SEC63: variants seen among roughly 807,000 people sequenced by gnomAD.
SEC63 encodes the protein translocation protein SEC63 homolog.
Under a neutral mutation model 116.2 loss-of-function variants are expected in SEC63, and 56 were observed. The ratio of observed to expected loss-of-function variants is 0.48; its 90% CI spans 0.39 to 0.60. The LOEUF (loss-of-function observed/expected upper bound fraction) is 0.60. SEC63 is among the 20% of genes least tolerant of loss of function. SEC63 has a pLI of 0.00. For synonymous variants in SEC63, 273 were observed against 294.6 expected (o/e 0.93, Z 0.75); for missense variants, 668 against 900.0 (o/e 0.74, Z 3.30).
Position 107,921,884 on chromosome 6 carries a change from T to C in SEC63, c.365A>G (p.Lys122Arg). ...TTTAAGTGACAGCAAACGATATTGT[T>C]TTTTAATTTCTGCTACTGTGGCTCC... ...DPGATVAEIK[K>R]QYRLLSLKYH... Residue 122 changes from lysine to arginine, a missense_variant, in exon 4 of 21, where the codon AAA (lysine) becomes AGA (arginine). Around this residue, in one of 5 missense-constraint regions of SEC63, gnomAD observed 142 missense variants for 169.5 expected, o/e 0.84. Transcript: ENST00000369002. The C allele has an allele frequency of 6.2e-7, 1 of 1,610,288 alleles. No individual in the cohort carries two copies. Among genetic ancestry groups the C allele is most frequent in the South Asian group, 1.1e-5 (1 of 90,876 alleles).
intron 1 of SEC63, among the ~76,000 whole-genome samples, chr6:107,933,893 G>A (rs1238521913): frequency 3.3e-5 from 5 of 152,164 alleles, no homozygotes; most frequent in African/African-American, 9.7e-5. Flanking sequence ...ACTGGTTTTC[G>A]TACTTTTTTG....
At chr6:107,936,016 C>A (rs543213455) in intron 1 of SEC63, among the ~76,000 whole-genome samples, 1 of 152,204 alleles carries the variant, frequency 6.6e-6, no homozygotes, top group East Asian at 1.9e-4. Flanking sequence ...TTAAATTAAG[C>A]CTCTACAGTA....
chr6:107,892,709 A>G (rs1786712361), intron 16 of SEC63, among the ~76,000 whole-genome samples: 1 of 152,232 alleles, frequency 6.6e-6, no homozygotes, highest in Non-Finnish European at 1.5e-5. Context: ...GAAGTTATCC[A>G]AATGGCCAGC....
intron 4 of SEC63, among the ~76,000 whole-genome samples, chr6:107,920,473 A>G (rs568229684): frequency 1.3e-5 from 2 of 151,462 alleles, no homozygotes; most frequent in South Asian, 4.2e-4. Context: ...CTGCACGCTT[A>G]ATAGACTATG....
chr6:107,908,541 G>A (rs1317445488), intron 8 of SEC63, among the ~76,000 whole-genome samples: 1 of 152,070 alleles, frequency 6.6e-6, no homozygotes, highest in Non-Finnish European at 1.5e-5. Flanking sequence ...CGGTGCCTCA[G>A]TTTCCTCATC....
intron 1 of SEC63, chr6:107,956,134 A>T (rs1166167018): frequency 4.9e-6 from 1 of 204,498 alleles, no homozygotes; most frequent in East Asian, 1.7e-4. Context: ...GAACAACTTT[A>T]AAAATCCAAT....
intron 19 of SEC63, among the ~76,000 whole-genome samples, chr6:107,874,113 A>G (rs1467746274): frequency 6.6e-6 from 1 of 152,200 alleles, no homozygotes; most frequent in Non-Finnish European, 1.5e-5. Flanking sequence ...CTTAATTAAT[A>G]TCACCAACAT....
At chr6:107,934,135 G>T (rs1263096394) in intron 1 of SEC63, among the ~76,000 whole-genome samples, 5 of 152,080 alleles carry the variant, frequency 3.3e-5, no homozygotes, top group African/African-American at 1.2e-4. Flanking sequence ...CCTCTGCCCC[G>T]CCGCCACCCC....
At chr6:107,919,089 T>C (rs1177432879) in intron 4 of SEC63, among the ~76,000 whole-genome samples, 2 of 151,976 alleles carry the variant, frequency 1.3e-5, no homozygotes, top group Non-Finnish European at 2.9e-5. Context: ...TTTGAATTTT[T>C]AGTAGAGATA....
chr6:107,893,133 C>T (rs1013104434), intron 16 of SEC63, among the ~76,000 whole-genome samples: 27 of 151,176 alleles, frequency 1.8e-4, no homozygotes, highest in Middle Eastern at 3.4e-3. Context: ...CACACACACA[C>T]ACACACACAC....
chr6:107,919,373 GCTT>G (rs1787493127), intron 4 of SEC63, among the ~76,000 whole-genome samples: 1 of 152,176 alleles, frequency 6.6e-6, no homozygotes. Context: ...CAGATGAGTT[GCTT>G]CTTATAGTTG....
At chr6:107,872,743 G>T in intron 20 of SEC63, 65 bp downstream of exon 20, 1 of 972,906 alleles carries the variant, frequency 1.0e-6, no homozygotes. Flanking sequence ...AACTAGAAAT[G>T]TTTTCCTAGT....
At chr6:107,912,065 A>G (rs1467654510) in intron 6 of SEC63, among the ~76,000 whole-genome samples, 1 of 152,212 alleles carries the variant, frequency 6.6e-6, no homozygotes, top group Admixed American at 6.5e-5. Context: ...AATCTGCCAG[A>G]TAATAACTTA....
intron 1 of SEC63, among the ~76,000 whole-genome samples, chr6:107,936,235 A>G (rs1770241456): frequency 6.6e-6 from 1 of 152,210 alleles, no homozygotes; most frequent in Non-Finnish European, 1.5e-5. Context: ...CACTCTTCCA[A>G]CCTAAAAATT....
Position 107,871,380 on chromosome 6 carries a change from T to A in SEC63, c.*324A>T. Reference sequence around the variant, plus strand: ...TCATTTACAGACTGTGTTTCCTGCATCTTTACTTTTACTGGGACCATAGAC... The same window carrying A: ...TCATTTACAGACTGTGTTTCCTGCAACTTTACTTTTACTGGGACCATAGAC... On this transcript the variant is annotated 3_prime_UTR_variant, in exon 21 of 21. Coordinates refer to ENST00000369002, the MANE Select transcript of SEC63 (RefSeq NM_007214.5). The A allele has an allele frequency of 3.6e-6, 1 of 278,470 alleles. No homozygotes were observed. The highest frequency in any genetic ancestry group is 6.9e-6 in the Non-Finnish European group (1 of 143,950). The allele number at this position is 278,470 out of a possible 1,614,324, so 17.2% of individuals were successfully genotyped here.
chr6:107,928,611 A>G (rs908270379), intron 2 of SEC63, among the ~76,000 whole-genome samples: 1 of 152,234 alleles, frequency 6.6e-6, no homozygotes, highest in Non-Finnish European at 1.5e-5. Context: ...ATTTCTAAAT[A>G]ACTGTTTCTA....
At chr6:107,916,053 A>G (rs1284209559) in intron 4 of SEC63, among the ~76,000 whole-genome samples, 1 of 152,090 alleles carries the variant, frequency 6.6e-6, no homozygotes, top group Non-Finnish European at 1.5e-5. Flanking sequence ...TCATAGTCAG[A>G]TTTCCAGAAA....
chr6:107,937,123 ATT>A (rs3062082), intron 1 of SEC63, among the ~76,000 whole-genome samples: 3 of 129,904 alleles, frequency 2.3e-5, no homozygotes, highest in Admixed American at 1.7e-4. Context: ...TATGTACCAC[ATT>A]TTTTTTTTTT....
In SEC63 at chr6:107,876,812, T is replaced by C. The variant is rs890127617; in HGVS notation, c.1936-150A>G. On this transcript the variant is annotated intron_variant, in intron 18 of 20. Transcript: ENST00000369002. ...AATAGGTATTCAAATGAATATTTAC[T>C]GAAAGAATAAGCTGTTCTTAACATT... is the stretch of plus-strand genomic sequence containing the variant. The C allele has an allele frequency of 1.4e-5, 9 of 624,388 alleles. No individual in the cohort carries two copies. The East Asian group carries it at 2.5e-4, about 17-fold the overall frequency. The allele number at this position is 624,388 out of a possible 1,614,324, so 38.7% of individuals were successfully genotyped here.
Sources: gnomAD v4.1 joint callset for allele counts (sites outside exome capture counted in the v4.1 genomes callset) on GRCh38, gnomAD v4.1.1 for gene constraint, gnomAD v4.1.1 regional missense constraint, MANE v1.5 for transcripts, NCBI Gene and HGNC (gene_info 2026-07-23, HGNC 2026-07-21) for gene names.